The following TRAPPC8 variants were observed in gnomAD, a reference collection of about 807,000 sequenced individuals.
TRAPPC8 encodes general sporulation gene 1 homolog.
Under a neutral mutation model 174.3 loss-of-function variants are expected in TRAPPC8, and 54 were observed. The observed-to-expected ratio is 0.31, with a 90% CI of 0.25 to 0.39. The LOEUF (loss-of-function observed/expected upper bound fraction) is 0.39, where lower values mean the gene tolerates loss of function less well. TRAPPC8 is among the 10% of genes least tolerant of loss of function. The probability of loss-of-function intolerance (pLI) is 1.00; values close to 1 mark genes in which losing one functional copy is unlikely to be tolerated. For missense variants in TRAPPC8, 1,531 were observed against 1,699.1 expected (o/e 0.90, Z 1.74); for synonymous variants, 630 against 579.9 (o/e 1.09, Z -1.24).
In TRAPPC8 at chr18:31,909,777, TA is replaced by T. The variant is rs1208544304; in HGVS notation, c.772-18del. ...ATATGATTCCTATCAAAATAAAATT[TA>T]AAAAGCATTAGCAGTTATACTTAAT... On this transcript the variant is annotated intron_variant, in intron 5 of 28. Transcript: ENST00000283351. 3.3e-6 allele frequency: 5 copies of T among 1,493,346 alleles called. No individual in the cohort carries two copies. The South Asian group carries it at 4.9e-5, about 15-fold the overall frequency. 92.5% of individuals were successfully genotyped at this position (1,493,346 alleles called of 1,614,324 possible). A position where few individuals can be genotyped will look rare whatever the true frequency, so the allele number is the denominator to read the frequency against.
chr18:31,853,801 A>G (rs2033844357), intron 22 of TRAPPC8, 48 bp downstream of exon 22: 4 of 1,399,798 alleles, frequency 2.9e-6, no homozygotes, highest in Non-Finnish European at 3.9e-6. Context: ...TGGAAAACCA[A>G]GTAATGAAGT....
intron 16 of TRAPPC8, 166 bp downstream of exon 16, chr18:31,870,206 A>C (rs62095509): frequency 0.28 from 140,245 of 500,780 alleles, 21,300 homozygotes; most frequent in South Asian, 0.53. Context: ...TTATGTTTTT[A>C]TGTATTTTCA....
intron 27 of TRAPPC8, 79 bp from the exon 28 acceptor site, chr18:31,832,252 C>A: frequency 1.4e-6 from 1 of 725,200 alleles, no homozygotes; most frequent in Non-Finnish European, 2.0e-6. Flanking sequence ...ACACTTAAGA[C>A]TATGTAACAG....
rs976963920 is a variant in TRAPPC8, at chr18:31,830,584, G to A, written c.*171C>T. 21 of 588,690 alleles carry A rather than the reference G, an allele frequency of 3.6e-5. No individual in the cohort carries two copies. The highest frequency in any genetic ancestry group is 3.4e-4 in the African/African-American group (18 of 53,658). 36.5% of individuals were successfully genotyped at this position (588,690 alleles called of 1,614,324 possible). A position where few individuals can be genotyped will look rare whatever the true frequency, so the allele number is the denominator to read the frequency against. On this transcript the variant is annotated 3_prime_UTR_variant, in exon 29 of 29. Coordinates refer to ENST00000283351, the MANE Select transcript of TRAPPC8 (RefSeq NM_014939.5). The stretch of plus-strand genomic sequence containing the variant: ...AAGAAATACAGAAAAAGAATGTTAA[G>A]TATTCTCAGTCCAACGTGCTTTGCA...
chr18:31,896,729 TTCTCCTGCC>T (rs1228457760), intron 11 of TRAPPC8, among the ~76,000 whole-genome samples: 1 of 152,146 alleles, frequency 6.6e-6, no homozygotes, highest in African/African-American at 2.4e-5. Flanking sequence ...GCTCAAGCAA[TTCTCCTGCC>T]TCAGCCTCCT....
At chr18:31,934,949 C>CATAAATAAATAAATAAATAAATAA (rs59323781) in intron 1 of TRAPPC8, among the ~76,000 whole-genome samples, 1 of 140,326 alleles carries the variant, frequency 7.1e-6, no homozygotes, top group Non-Finnish European at 1.5e-5. Flanking sequence ...GGCTCCGTCT[C>CATAAATAAATAAATAAATAAATAA]ATAAATAAAT....
At position 31,890,728 on chromosome 18, in the gene TRAPPC8, C is replaced by T. The variant is rs760850974; in HGVS notation, c.1728+7G>A. On this transcript the variant is annotated splice_region_variant and intron_variant, in intron 12 of 28. Coordinates refer to ENST00000283351, the MANE Select transcript of TRAPPC8 (RefSeq NM_014939.5). ...GCAACTTTTCATTGTAAAGCAAATGCACTCACCTGCCCTGCTTTACTAAAT... is the reference window on the plus strand; with the variant it reads ...GCAACTTTTCATTGTAAAGCAAATGTACTCACCTGCCCTGCTTTACTAAAT... 5.4e-5 allele frequency: 87 copies of T among 1,603,808 alleles called. No homozygotes were observed. The highest frequency in any genetic ancestry group is 7.0e-5 in the Non-Finnish European group (82 of 1,175,916).
chr18:31,932,609 T>C (rs2037895549), intron 1 of TRAPPC8, among the ~76,000 whole-genome samples: 1 of 152,126 alleles, frequency 6.6e-6, no homozygotes, highest in Non-Finnish European at 1.5e-5. Context: ...AAGAAGACAG[T>C]GTCCACAGTC....
intron 24 of TRAPPC8, among the ~76,000 whole-genome samples, chr18:31,850,545 C>T (rs892540279): frequency 1.3e-5 from 2 of 152,074 alleles, no homozygotes; most frequent in African/African-American, 4.8e-5. Context: ...CAGGATTTCC[C>T]TTAACTAATG....
chr18:31,832,290 T>C (rs1205125932), intron 27 of TRAPPC8, 117 bp from the exon 28 acceptor site: 2 of 402,032 alleles, frequency 5.0e-6, no homozygotes, highest in Admixed American at 9.3e-5. Context: ...AACAATCAGA[T>C]TCAAGAAGGA....
chr18:31,869,730 G>C (rs902972714), intron 16 of TRAPPC8, among the ~76,000 whole-genome samples: 1 of 152,116 alleles, frequency 6.6e-6, no homozygotes, highest in Non-Finnish European at 1.5e-5. Flanking sequence ...AAACAACACA[G>C]AATGTAAAAA....
At chr18:31,836,964 G>A (rs913540904) in intron 27 of TRAPPC8, among the ~76,000 whole-genome samples, 11 of 151,960 alleles carry the variant, frequency 7.2e-5, no homozygotes, top group Middle Eastern at 3.4e-3. Context: ...GGGTTTCACC[G>A]TGTTAGCCAG....
At chr18:31,904,405 C>T (rs946458961) in intron 9 of TRAPPC8, among the ~76,000 whole-genome samples, 2 of 151,982 alleles carry the variant, frequency 1.3e-5, no homozygotes, top group African/African-American at 2.4e-5. Flanking sequence ...CAAAATTAGC[C>T]AGGTGTGGTG....
In TRAPPC8 at chr18:31,860,518, T is replaced by C. The variant is rs539490489; in HGVS notation, c.2746-2536A>G. Among the ~76,000 whole-genome samples, 4 of 152,326 alleles carry C rather than the reference T, an allele frequency of 2.6e-5. No homozygotes were observed. In the South Asian group the frequency reaches 6.2e-4, roughly 24 times the overall value. On this transcript the variant is annotated intron_variant, in intron 19 of 28. Coordinates refer to ENST00000283351, the MANE Select transcript of TRAPPC8 (RefSeq NM_014939.5). ...AGTAACTTTCATTCTCACCCTTGTTTGATAAATATATATTGTTACAGATTA... is the reference window on the plus strand; with the variant it reads ...AGTAACTTTCATTCTCACCCTTGTTCGATAAATATATATTGTTACAGATTA...
At chr18:31,934,196 T>G (rs1378922185) in intron 1 of TRAPPC8, among the ~76,000 whole-genome samples, 3 of 147,832 alleles carry the variant, frequency 2.0e-5, no homozygotes, top group South Asian at 4.2e-4. Flanking sequence ...AAAAAAAAAA[T>G]GGTACATGCA....
At chr18:31,923,142 T>G (rs541204054) in intron 2 of TRAPPC8, among the ~76,000 whole-genome samples, 1 of 152,308 alleles carries the variant, frequency 6.6e-6, no homozygotes, top group Non-Finnish European at 1.5e-5. Context: ...TATGCTTGGA[T>G]TTAACACATA....
At chr18:31,909,209 A>G (rs1362896725) in intron 6 of TRAPPC8, among the ~76,000 whole-genome samples, 199 bp from the exon 7 acceptor site, 1 of 152,086 alleles carries the variant, frequency 6.6e-6, no homozygotes, top group Non-Finnish European at 1.5e-5. Flanking sequence ...TTGTTTTGGT[A>G]CCTGTATTAG....
intron 19 of TRAPPC8, 36 bp downstream of exon 19, chr18:31,864,591 T>C: frequency 6.3e-7 from 1 of 1,595,970 alleles, no homozygotes; most frequent in East Asian, 2.2e-5. Context: ...CTCATATAGA[T>C]AAATTAAGTC....
At chr18:31,856,580 C>G (rs1598614239) in intron 20 of TRAPPC8, among the ~76,000 whole-genome samples, 1 of 152,076 alleles carries the variant, frequency 6.6e-6, no homozygotes, top group Non-Finnish European at 1.5e-5. Context: ...AAAGTTCAAA[C>G]TTTAACCTGG....
Sources: allele counts gnomAD v4.1 joint callset (sites outside exome capture counted in the v4.1 genomes callset), GRCh38; gene constraint gnomAD v4.1.1; transcripts MANE v1.5; gene names NCBI Gene and HGNC (gene_info 2026-07-23, HGNC 2026-07-21).